Variants in CHRM2 observed in about 807,000 individuals in gnomAD.
The protein encoded by CHRM2 is muscarinic acetylcholine receptor M2.
A neutral mutation model predicts 25.0 loss-of-function variants in CHRM2; 8 were observed. The ratio of observed to expected loss-of-function variants is 0.32; its 90% CI spans 0.19 to 0.58. The LOEUF is 0.58. CHRM2 is among the 20% of genes least tolerant of loss of function. The pLI is 0.88. For synonymous variants in CHRM2, 202 were observed against 205.7 expected, an observed-to-expected ratio of 0.98 and a Z score of 0.15; for missense variants, 440 against 567.1, an observed-to-expected ratio of 0.78 and a Z score of 2.28.
At chr7:136,994,521 CTTTTTTTTT>C (rs757243972) in intron 3 of CHRM2, among the ~76,000 whole-genome samples, 1 of 71,416 alleles carries the variant, frequency 1.4e-5, no homozygotes, top group African/African-American at 5.7e-5. Context: ...TTTTTCTTTT[CTTTTTTTTT>C]TTTTTTTTTT....
Position 136,992,257 on chromosome 7 carries a change from G to A in CHRM2, c.-54G>A, listed in dbSNP as rs1803281154. 3 of 151,968 alleles carry A rather than the reference G, an allele frequency of 2.0e-5. No individual in the cohort carries two copies. In the South Asian group the frequency reaches 6.2e-4, roughly 32 times the overall value. The allele number at this position is 151,968 out of a possible 1,614,324, so 9.4% of individuals were successfully genotyped here. A position where few individuals can be genotyped will look rare whatever the true frequency, so the allele number is the denominator to read the frequency against. ...AGTGTATTCTCAGCACCCAATGCCT[G>A]GCATATAGTAAGTGCTCAATAAATT... is the stretch of plus-strand genomic sequence containing the variant. On this transcript the variant is annotated 5_prime_UTR_variant, in exon 3 of 4. An upstream open reading frame in the 5' UTR gains an earlier in-frame stop. Coordinates refer to ENST00000680005, the MANE Select transcript of CHRM2 (RefSeq NM_001006630.2).
intron 3 of CHRM2, among the ~76,000 whole-genome samples, chr7:137,000,547 A>AAGAAAGAAAGAAGGAAG (rs1554434051): frequency 2.1e-5 from 2 of 95,174 alleles, no homozygotes; most frequent in African/African-American, 7.2e-5. Flanking sequence ...AAAGAAAGAA[A>AAGAAAGAAAGAAGGAAG]GAAGGAAGGA....
At chr7:136,963,094 T>C (rs1801199751) in intron 2 of CHRM2, among the ~76,000 whole-genome samples, 1 of 151,666 alleles carries the variant, frequency 6.6e-6, no homozygotes, top group Non-Finnish European at 1.5e-5. Flanking sequence ...AGAGGAGAAC[T>C]GAGAGAAGAA....
chr7:136,993,730 A>G (rs1290590501), intron 3 of CHRM2, among the ~76,000 whole-genome samples: 2 of 152,204 alleles, frequency 1.3e-5, no homozygotes, highest in African/African-American at 4.8e-5. Context: ...CATTAGCCTC[A>G]GAACCCATTC....
intron 2 of CHRM2, among the ~76,000 whole-genome samples, chr7:136,946,092 G>A (rs997475354): frequency 1.3e-5 from 2 of 152,020 alleles, no homozygotes; most frequent in African/African-American, 4.8e-5. Context: ...TCAATTCTTA[G>A]ATTCAATTGC....
chr7:136,923,051 A>G (rs1798537777), intron 2 of CHRM2, among the ~76,000 whole-genome samples: 1 of 152,132 alleles, frequency 6.6e-6, no homozygotes, highest in Non-Finnish European at 1.5e-5. Flanking sequence ...TCAACCCTTA[A>G]ATAAACCTTA....
At chr7:136,941,390 C>T (rs1171193021) in intron 2 of CHRM2, among the ~76,000 whole-genome samples, 1 of 152,166 alleles carries the variant, frequency 6.6e-6, no homozygotes, top group East Asian at 1.9e-4. Context: ...CAAAATGTCA[C>T]ATGATTTATC....
chr7:137,013,693 G>C (rs1269178149), intron 3 of CHRM2, among the ~76,000 whole-genome samples: 1 of 151,988 alleles, frequency 6.6e-6, no homozygotes, highest in Non-Finnish European at 1.5e-5. Flanking sequence ...TCTCAAAAAT[G>C]ATGATTATGT....
At chr7:137,005,654 G>A (rs1433954479) in intron 3 of CHRM2, among the ~76,000 whole-genome samples, 2 of 151,960 alleles carry the variant, frequency 1.3e-5, no homozygotes, top group African/African-American at 2.4e-5. Flanking sequence ...AGCTTCCAAT[G>A]GGCACATAGA....
chr7:136,959,077 C>T (rs150174857), intron 2 of CHRM2, among the ~76,000 whole-genome samples: 2 of 152,256 alleles, frequency 1.3e-5, no homozygotes, highest in Non-Finnish European at 2.9e-5. Flanking sequence ...CTGGGATAGG[C>T]ACCAATATCA....
At chr7:136,940,901 C>T (rs905990036) in intron 2 of CHRM2, among the ~76,000 whole-genome samples, 4 of 152,144 alleles carry the variant, frequency 2.6e-5, no homozygotes, top group Non-Finnish European at 4.4e-5. Context: ...GCTGTCACAA[C>T]TGGGGACATT....
At chr7:136,966,329 C>T (rs1019845573) in intron 2 of CHRM2, among the ~76,000 whole-genome samples, 5 of 151,680 alleles carry the variant, frequency 3.3e-5, no homozygotes, top group African/African-American at 1.2e-4. Context: ...ATAAAATTGT[C>T]GTGATGGCAG....
intron 2 of CHRM2, among the ~76,000 whole-genome samples, chr7:136,925,457 A>C (rs1461398608): frequency 6.6e-6 from 1 of 152,180 alleles, no homozygotes; most frequent in Non-Finnish European, 1.5e-5. Context: ...AAGTAAAAGG[A>C]GATCTAACTT....
In CHRM2 at chr7:136,904,811, T is replaced by C. The variant is rs145253612; in HGVS notation, c.-125+35393T>C. On this transcript the variant is annotated intron_variant, in intron 2 of 3. Coordinates refer to ENST00000680005, the MANE Select transcript of CHRM2 (RefSeq NM_001006630.2). ...GCACAGGCTTGCTGCTTTTCAGTCTTTTGGCTAAGACCAGGTGAAAAAGAG... is the reference window on the plus strand; with the variant it reads ...GCACAGGCTTGCTGCTTTTCAGTCTCTTGGCTAAGACCAGGTGAAAAAGAG... Among the ~76,000 whole-genome samples the C allele has an allele frequency of 8.9e-3, 1,358 of 152,058 alleles. 10 individuals are homozygous for C. Among genetic ancestry groups the C allele is most frequent in the Non-Finnish European group, 0.014 (954 of 67,900 alleles).
intron 2 of CHRM2, among the ~76,000 whole-genome samples, chr7:136,936,120 C>CA (rs1799395577): frequency 2.0e-5 from 3 of 151,934 alleles, no homozygotes; most frequent in African/African-American, 7.3e-5. Context: ...GTTTGGGTAG[C>CA]GGAGATATTT....
chr7:136,882,172 C>T (rs186414488), intron 2 of CHRM2, among the ~76,000 whole-genome samples: 1 of 152,018 alleles, frequency 6.6e-6, no homozygotes, highest in Admixed American at 6.6e-5. Flanking sequence ...ATTTAGACAC[C>T]GGCTTTACAC....
chr7:136,900,241 T>A (rs1014513973), intron 2 of CHRM2, among the ~76,000 whole-genome samples: 6 of 152,092 alleles, frequency 3.9e-5, no homozygotes, highest in Non-Finnish European at 8.8e-5. Context: ...ATGTGGACAC[T>A]GAAGATACTA....
chr7:136,921,025 T>C (rs1237731781), intron 2 of CHRM2, among the ~76,000 whole-genome samples: 1 of 152,042 alleles, frequency 6.6e-6, no homozygotes, highest in Non-Finnish European at 1.5e-5. Context: ...ACCTCAGGAA[T>C]GAGATGTGGA....
chr7:137,001,900 G>A, intron 3 of CHRM2, among the ~76,000 whole-genome samples: 1 of 152,114 alleles, frequency 6.6e-6, no homozygotes, highest in East Asian at 1.9e-4. Flanking sequence ...ATGAGAGATT[G>A]GGAAACTGTC....
Sources: gnomAD v4.1 joint callset for allele counts (sites outside exome capture counted in the v4.1 genomes callset) on GRCh38, gnomAD v4.1.1 for gene constraint, MANE v1.5 for transcripts, NCBI Gene and HGNC (gene_info 2026-07-23, HGNC 2026-07-21) for gene names.